Variants in CDH18 observed in about 807,000 individuals in gnomAD.
CDH18 encodes cadherin-18.
CDH18 carries 31 observed loss-of-function variants against 67.9 expected under a neutral mutation model. The ratio of observed to expected loss-of-function variants is 0.46; its 90% CI spans 0.34 to 0.62. CDH18 has a LOEUF of 0.62. Among genes scored for constraint, CDH18 ranks in the 20% least tolerant of loss-of-function variants. The probability of loss-of-function intolerance (pLI) is 0.01; values close to 1 mark genes in which losing one functional copy is unlikely to be tolerated. For synonymous variants in CDH18, 362 were observed against 347.2 expected, an observed-to-expected ratio of 1.04 and a Z score of -0.48; for missense variants, 890 against 975.5, an observed-to-expected ratio of 0.91 and a Z score of 1.17.
chr5:20,476,132 T>C (rs1752424093), intron 1 of CDH18, among the ~76,000 whole-genome samples: 1 of 152,200 alleles, frequency 6.6e-6, no homozygotes, highest in South Asian at 2.1e-4. Flanking sequence ...TCTCAAATTC[T>C]GGTTGTAGAA....
At chr5:19,947,878 T>C (rs1382497590) in intron 2 of CDH18, among the ~76,000 whole-genome samples, 2 of 152,074 alleles carry the variant, frequency 1.3e-5, no homozygotes, top group South Asian at 2.1e-4. Context: ...AGACCACACA[T>C]CAAACAAAAG....
At chr5:20,299,953 T>C (rs1010174180) in intron 1 of CDH18, among the ~76,000 whole-genome samples, 1 of 152,100 alleles carries the variant, frequency 6.6e-6, no homozygotes, top group Admixed American at 6.6e-5. Flanking sequence ...TGTGTTGTTC[T>C]ATAAATAGGA....
chr5:19,859,989 G>GTGTGTGTGT (rs1784707651), intron 2 of CDH18, among the ~76,000 whole-genome samples: 8 of 143,248 alleles, frequency 5.6e-5, no homozygotes, highest in South Asian at 4.6e-4. Flanking sequence ...GTTTGCTTTG[G>GTGTGTGTGT]GTGTGTGTGT....
At chr5:19,969,163 A>T (rs1797777246) in intron 2 of CDH18, among the ~76,000 whole-genome samples, 1 of 148,702 alleles carries the variant, frequency 6.7e-6, no homozygotes, top group Non-Finnish European at 1.5e-5. Context: ...CACACCAGTT[A>T]GAATGGCGAT....
At chr5:19,568,563 C>T (rs1418912750) in intron 8 of CDH18, among the ~76,000 whole-genome samples, 1 of 151,984 alleles carries the variant, frequency 6.6e-6, no homozygotes, top group African/African-American at 2.4e-5. Context: ...TCTTAGCAGC[C>T]AAACTGACTA....
At chr5:19,700,707 T>C (rs1443301199) in intron 5 of CDH18, among the ~76,000 whole-genome samples, 1 of 152,170 alleles carries the variant, frequency 6.6e-6, no homozygotes, top group Non-Finnish European at 1.5e-5. Flanking sequence ...ATACTGCCAA[T>C]CAATTTCAGT....
chr5:20,394,189 A>G (rs986394631), intron 1 of CDH18, among the ~76,000 whole-genome samples: 4 of 152,100 alleles, frequency 2.6e-5, no homozygotes, highest in African/African-American at 9.7e-5. Flanking sequence ...ACAAAACAGC[A>G]TGGTGTTGAT....
At chr5:19,931,516 T>C (rs1340978448) in intron 2 of CDH18, among the ~76,000 whole-genome samples, 2 of 151,962 alleles carry the variant, frequency 1.3e-5, no homozygotes, top group African/African-American at 2.4e-5. Flanking sequence ...ATTTTTCTGC[T>C]ATAAATACAA....
At chr5:20,068,502 A>C (rs1222664003) in intron 2 of CDH18, among the ~76,000 whole-genome samples, 4 of 152,110 alleles carry the variant, frequency 2.6e-5, no homozygotes, top group African/African-American at 9.7e-5. Flanking sequence ...TTTGTCTATA[A>C]TTATTTTTTC....
chr5:20,161,389 T>C (rs149900696), intron 2 of CDH18, among the ~76,000 whole-genome samples: 1 of 152,190 alleles, frequency 6.6e-6, no homozygotes, highest in Non-Finnish European at 1.5e-5. Context: ...ACAAACTTCA[T>C]GTCTTAGTGC....
chr5:20,442,553 A>C (rs1749684265), intron 1 of CDH18, among the ~76,000 whole-genome samples: 1 of 151,924 alleles, frequency 6.6e-6, no homozygotes, highest in African/African-American at 2.4e-5. Context: ...ATTATGTAGA[A>C]AGGCAAGTTA....
At chr5:20,208,318 C>G (rs556011311) in intron 2 of CDH18, among the ~76,000 whole-genome samples, 1 of 152,088 alleles carries the variant, frequency 6.6e-6, no homozygotes. Flanking sequence ...GGGAAACTGC[C>G]CCCTTGATTC....
intron 1 of CDH18, among the ~76,000 whole-genome samples, chr5:20,318,497 A>G (rs1737673560): frequency 6.6e-6 from 1 of 152,130 alleles, no homozygotes; most frequent in African/African-American, 2.4e-5. Flanking sequence ...TGGGGCTCTC[A>G]TGAATGGTTT....
intron 2 of CDH18, among the ~76,000 whole-genome samples, chr5:20,191,124 T>C (rs1280020442): frequency 6.6e-6 from 1 of 152,176 alleles, no homozygotes; most frequent in Non-Finnish European, 1.5e-5. Flanking sequence ...GGATTTTTAA[T>C]GATGTTTTTC....
At chr5:20,348,547 A>G (rs925858839) in intron 1 of CDH18, among the ~76,000 whole-genome samples, 6 of 152,168 alleles carry the variant, frequency 3.9e-5, no homozygotes, top group African/African-American at 1.4e-4. Flanking sequence ...AAAAAACCTG[A>G]GTGAAATGTG....
chr5:20,083,148 G>C (rs866545011), intron 2 of CDH18, among the ~76,000 whole-genome samples: 19 of 152,314 alleles, frequency 1.2e-4, no homozygotes, highest in African/African-American at 4.1e-4. Flanking sequence ...TGAAAGAATT[G>C]AGGATGAGTG....
chr5:20,500,255 A>G, intron 1 of CDH18, among the ~76,000 whole-genome samples: 1 of 152,264 alleles, frequency 6.6e-6, no homozygotes, highest in South Asian at 2.1e-4. Flanking sequence ...CATTTAAATA[A>G]CTTCTTCTTA....
chr5:20,495,117 C>G (rs1218943755), intron 1 of CDH18, among the ~76,000 whole-genome samples: 2 of 152,086 alleles, frequency 1.3e-5, no homozygotes, highest in East Asian at 3.9e-4. Context: ...TTTTATGTAA[C>G]TTGGCCTTGG....
intron 2 of CDH18, among the ~76,000 whole-genome samples, chr5:19,849,395 G>A (rs968470632): frequency 1.3e-5 from 2 of 151,762 alleles, no homozygotes; most frequent in African/African-American, 4.8e-5. Flanking sequence ...GAAATGTGCA[G>A]TGAATGGGGT....
Sources: gnomAD v4.1 joint callset for allele counts (sites outside exome capture counted in the v4.1 genomes callset) on GRCh38, gnomAD v4.1.1 for gene constraint, MANE v1.5 for transcripts, NCBI Gene and HGNC (gene_info 2026-07-23, HGNC 2026-07-21) for gene names.